THSD7B: variants seen among roughly 807,000 people sequenced by gnomAD.
The protein encoded by THSD7B is thrombospondin type 1 domain containing 7B.
Under a neutral mutation model 213.6 loss-of-function variants are expected in THSD7B, and 138 were observed. That is an observed-to-expected ratio of 0.65 (90% CI 0.56 to 0.74). THSD7B has a LOEUF of 0.74. Among genes scored for constraint, THSD7B ranks in the 30% least tolerant of loss-of-function variants. THSD7B has a pLI of 0.00. For missense variants in THSD7B, 1,931 were observed against 1,991.5 expected (o/e 0.97, Z 0.58); for synonymous variants, 742 against 687.0 (o/e 1.08, Z -1.25).
At chr2:137,500,129 T>G (rs1478729717) in intron 15 of THSD7B, among the ~76,000 whole-genome samples, 1 of 152,156 alleles carries the variant, frequency 6.6e-6, no homozygotes, top group Non-Finnish European at 1.5e-5. Context: ...AAGGCTCCTC[T>G]TTCCTTGAAA....
chr2:137,509,392 G>A (rs1045885330), intron 15 of THSD7B, among the ~76,000 whole-genome samples: 1 of 90,708 alleles, frequency 1.1e-5, no homozygotes, highest in African/African-American at 4.3e-5. Flanking sequence ...TATTTATTTT[G>A]TATACCTTTA....
Position 137,576,307 on chromosome 2 carries a change from C to T in THSD7B, c.3423+3751C>T, listed in dbSNP as rs1236422593. ...TTGCAGAAGCAAGACTTTGCAAACCCACTCCAGAAAGATGACTTAGATTTA... is the reference window on the plus strand; with the variant it reads ...TTGCAGAAGCAAGACTTTGCAAACCTACTCCAGAAAGATGACTTAGATTTA... On this transcript the variant is annotated intron_variant, in intron 17 of 27. Transcript: ENST00000409968. Among the ~76,000 whole-genome samples, 4 of 152,108 alleles carry T rather than the reference C, an allele frequency of 2.6e-5. No homozygotes were observed. The East Asian group carries it at 5.8e-4, about 22-fold the overall frequency.
At chr2:137,609,213 A>G (rs1682242871) in intron 17 of THSD7B, among the ~76,000 whole-genome samples, 1 of 152,182 alleles carries the variant, frequency 6.6e-6, no homozygotes, top group African/African-American at 2.4e-5. Context: ...CCATGAGCCT[A>G]TTAGGGGAAA....
In THSD7B at chr2:137,578,485, G is replaced by A. The variant is rs889014914; in HGVS notation, c.3423+5929G>A. 2.6e-5 allele frequency among the ~76,000 whole-genome samples: 4 copies of A among 152,308 alleles called. No individual in the cohort carries two copies. The East Asian group carries it at 5.8e-4, about 22-fold the overall frequency. ...ACCTCTTCAAGCTCTGAGACCATTT[G>A]TTAATGACCTAACAAGGGTTTTGCC... On this transcript the variant is annotated intron_variant, in intron 17 of 27. Coordinates refer to ENST00000409968, the MANE Select transcript of THSD7B (RefSeq NM_001316349.2).
At chr2:137,076,555 C>T (rs954534805) in intron 3 of THSD7B, among the ~76,000 whole-genome samples, 6 of 152,334 alleles carry the variant, frequency 3.9e-5, no homozygotes, top group African/African-American at 7.2e-5. Flanking sequence ...GGCGATGTCT[C>T]GCCCTGTTTC....
chr2:137,657,006 G>A (rs1249227652), intron 23 of THSD7B, 37 bp downstream of exon 23: 13 of 1,613,396 alleles, frequency 8.1e-6, no homozygotes, highest in East Asian at 2.2e-5. Context: ...AGCCTTCATT[G>A]ATCAATGCTT....
intron 15 of THSD7B, among the ~76,000 whole-genome samples, chr2:137,451,338 A>G (rs967281876): frequency 6.6e-6 from 1 of 151,638 alleles, no homozygotes; most frequent in South Asian, 2.1e-4. Context: ...GTGTGTATAT[A>G]TATATGTCTA....
At chr2:137,096,782 C>G (rs1688048160) in intron 4 of THSD7B, among the ~76,000 whole-genome samples, 1 of 152,184 alleles carries the variant, frequency 6.6e-6, no homozygotes, top group Non-Finnish European at 1.5e-5. Flanking sequence ...ACAAGCTATA[C>G]AACTTTTCCA....
At chr2:137,417,439 T>C (rs1686823337) in intron 14 of THSD7B, among the ~76,000 whole-genome samples, 1 of 152,150 alleles carries the variant, frequency 6.6e-6, no homozygotes, top group Admixed American at 6.5e-5. Flanking sequence ...TTTTATTTTA[T>C]TTTATTTTAC....
intron 15 of THSD7B, among the ~76,000 whole-genome samples, chr2:137,460,555 C>A (rs1339757233): frequency 6.6e-6 from 1 of 152,040 alleles, no homozygotes; most frequent in Non-Finnish European, 1.5e-5. Context: ...ATAGTAAAAG[C>A]TGTTGTCACT....
chr2:136,854,326 T>C (rs958983586), intron 1 of THSD7B, among the ~76,000 whole-genome samples: 1 of 152,154 alleles, frequency 6.6e-6, no homozygotes, highest in African/African-American at 2.4e-5. Context: ...CAGTTGAAAA[T>C]TTTGGGATTC....
intron 2 of THSD7B, among the ~76,000 whole-genome samples, chr2:136,961,334 C>G (rs1685215270): frequency 6.7e-6 from 1 of 150,082 alleles, no homozygotes; most frequent in Admixed American, 6.7e-5. Flanking sequence ...CATTCTCTTG[C>G]CTCAGCCTCC....
chr2:137,642,293 T>G, intron 20 of THSD7B, 195 bp from the exon 21 acceptor site: 2 of 580,184 alleles, frequency 3.4e-6, no homozygotes, highest in Non-Finnish European at 5.8e-6. Context: ...TCAGATCCTT[T>G]AAGCATTGTG....
At chr2:137,137,147 G>A (rs2104960012) in intron 5 of THSD7B, among the ~76,000 whole-genome samples, 1 of 152,230 alleles carries the variant, frequency 6.6e-6, no homozygotes, top group Admixed American at 6.5e-5. Context: ...TTATACCTCT[G>A]TGATCACTGA....
chr2:137,518,729 G>A (rs960534763), intron 15 of THSD7B, among the ~76,000 whole-genome samples: 11 of 152,270 alleles, frequency 7.2e-5, no homozygotes, highest in African/African-American at 2.6e-4. Flanking sequence ...TGGCCATTGT[G>A]GCAGGGATGG....
intron 27 of THSD7B, among the ~76,000 whole-genome samples, chr2:137,668,228 G>T (rs1395444390): frequency 6.6e-6 from 1 of 152,122 alleles, no homozygotes; most frequent in Non-Finnish European, 1.5e-5. Flanking sequence ...CAGGTCATCT[G>T]GGTGTTGTAA....
intron 10 of THSD7B, among the ~76,000 whole-genome samples, chr2:137,248,253 AATT>A (rs1682087179): frequency 6.6e-6 from 1 of 152,148 alleles, no homozygotes; most frequent in South Asian, 2.1e-4. Context: ...GAGTTCCTGC[AATT>A]ATTAAGTCCT....
chr2:137,025,274 G>A (rs763676976), intron 2 of THSD7B, among the ~76,000 whole-genome samples: 2 of 151,990 alleles, frequency 1.3e-5, no homozygotes, highest in Admixed American at 6.6e-5. Context: ...TGTGTGCCAC[G>A]ATTTTGGCCC....
rs536948090 is a variant in THSD7B, at chr2:137,071,501, G to T, written c.950+14271G>T. ...GATTGCAAAAATTTTCTCCCATTTT[G>T]TAGGTTGCCTGTTCACTCTGATGGT... On this transcript the variant is annotated intron_variant, in intron 3 of 27. Coordinates refer to ENST00000409968, the MANE Select transcript of THSD7B (RefSeq NM_001316349.2). Among the ~76,000 whole-genome samples, 716 of 152,210 alleles carry T rather than the reference G, an allele frequency of 4.7e-3. 7 individuals are homozygous for T. The highest frequency in any genetic ancestry group is 0.017 in the African/African-American group (690 of 41,522).
Sources: allele counts gnomAD v4.1 joint callset (sites outside exome capture counted in the v4.1 genomes callset), GRCh38; gene constraint gnomAD v4.1.1; transcripts MANE v1.5; gene names NCBI Gene and HGNC (gene_info 2026-07-23, HGNC 2026-07-21).